The following STXBP5 variants were observed in gnomAD, a reference collection of about 807,000 sequenced individuals.
STXBP5 encodes the protein syntaxin binding protein 5, also known as syntaxin-binding protein 5.
A neutral mutation model predicts 152.4 loss-of-function variants in STXBP5; 50 were observed. That is an observed-to-expected ratio of 0.33 (90% CI 0.26 to 0.42). STXBP5 has a LOEUF of 0.42. Ranked by LOEUF, STXBP5 falls within the 10% of genes least tolerant of loss-of-function variation. The pLI is 1.00. For missense variants in STXBP5, 1,167 were observed against 1,388.6 expected, an observed-to-expected ratio of 0.84 and a Z score of 2.54; for synonymous variants, 492 against 494.7, an observed-to-expected ratio of 0.99 and a Z score of 0.07.
intron 26 of STXBP5, among the ~76,000 whole-genome samples, chr6:147,379,748 G>T (rs1242943037): frequency 1.3e-5 from 2 of 151,892 alleles, no homozygotes; most frequent in African/African-American, 4.8e-5. Flanking sequence ...AAATCCTAAG[G>T]AATCCACATA....
At chr6:147,339,559 T>C (rs1783997297) in intron 21 of STXBP5, among the ~76,000 whole-genome samples, 175 bp downstream of exon 21, 1 of 151,964 alleles carries the variant, frequency 6.6e-6, no homozygotes, top group South Asian at 2.1e-4. Flanking sequence ...TTATTAAAAA[T>C]CAGTTCAATT....
At chr6:147,369,163 AAC>A (rs1283041454) in intron 25 of STXBP5, among the ~76,000 whole-genome samples, 2 of 152,078 alleles carry the variant, frequency 1.3e-5, no homozygotes, top group Non-Finnish European at 2.9e-5. Flanking sequence ...TCCAGAAATA[AAC>A]ACATACATGG....
chr6:147,372,532 T>A (rs1184472083), intron 25 of STXBP5, among the ~76,000 whole-genome samples: 1 of 144,102 alleles, frequency 6.9e-6, no homozygotes, highest in Non-Finnish European at 1.5e-5. Flanking sequence ...CCTCCCGGGT[T>A]CAAGCTATTC....
chr6:147,378,888 C>T (rs992297691), intron 26 of STXBP5, among the ~76,000 whole-genome samples: 5 of 152,076 alleles, frequency 3.3e-5, no homozygotes, highest in Non-Finnish European at 5.9e-5. Flanking sequence ...AAATTTATTA[C>T]CTTACAATTC....
chr6:147,225,050 CCT>C (rs1264442415), intron 2 of STXBP5, among the ~76,000 whole-genome samples: 1 of 151,894 alleles, frequency 6.6e-6, no homozygotes, highest in Admixed American at 6.6e-5. Flanking sequence ...TTTAAATTAC[CCT>C]GTTTGCTGAA....
chr6:147,329,617 CTTTTTT>C (rs34913817), intron 18 of STXBP5, among the ~76,000 whole-genome samples: 3 of 71,708 alleles, frequency 4.2e-5, no homozygotes, highest in South Asian at 6.5e-4. Flanking sequence ...GTTCTTCAGG[CTTTTTT>C]TTTTTTTTTT....
intron 9 of STXBP5, among the ~76,000 whole-genome samples, chr6:147,297,364 A>G (rs1010606462): frequency 2.6e-5 from 4 of 152,210 alleles, no homozygotes; most frequent in African/African-American, 7.2e-5. Flanking sequence ...GCTATCCTTC[A>G]GAAATGAACG....
chr6:147,274,287 G>T (rs1477939767), intron 7 of STXBP5, among the ~76,000 whole-genome samples: 1 of 152,088 alleles, frequency 6.6e-6, no homozygotes, highest in Non-Finnish European at 1.5e-5. Flanking sequence ...TTTAGAGGCA[G>T]TCTTACTCTG....
intron 5 of STXBP5, among the ~76,000 whole-genome samples, chr6:147,261,520 T>C (rs933685768): frequency 6.6e-6 from 1 of 152,076 alleles, no homozygotes; most frequent in Non-Finnish European, 1.5e-5. Context: ...ATTTACCTCT[T>C]TTTGAGATAA....
chr6:147,259,781 CTTTTT>C (rs533852092), intron 4 of STXBP5, among the ~76,000 whole-genome samples: 4 of 146,484 alleles, frequency 2.7e-5, no homozygotes, highest in Middle Eastern at 3.6e-3. Context: ...CACAAGATAC[CTTTTT>C]TTTTTAACTA....
intron 2 of STXBP5, among the ~76,000 whole-genome samples, chr6:147,218,735 G>C (rs1318577536): frequency 1.3e-5 from 2 of 152,182 alleles, no homozygotes; most frequent in Admixed American, 1.3e-4. Context: ...ACATCCCAAA[G>C]TGCTGGGGTT....
chr6:147,256,689 T>C (rs376123779), intron 4 of STXBP5, among the ~76,000 whole-genome samples: 18 of 152,308 alleles, frequency 1.2e-4, no homozygotes, highest in African/African-American at 4.3e-4. Context: ...TAAATTAGGC[T>C]CAGGCCGTAA....
chr6:147,222,437 G>C (rs1582804412), intron 2 of STXBP5, among the ~76,000 whole-genome samples: 3 of 152,228 alleles, frequency 2.0e-5, no homozygotes, highest in South Asian at 4.1e-4. Flanking sequence ...TAGTGAGTCT[G>C]TGCTCTTGGA....
At chr6:147,236,930 C>A (rs928345117) in intron 3 of STXBP5, among the ~76,000 whole-genome samples, 1 of 152,000 alleles carries the variant, frequency 6.6e-6, no homozygotes, top group South Asian at 2.1e-4. Flanking sequence ...AGGTGCTTGC[C>A]ACCACACCGG....
chr6:147,366,082 T>C (rs1785275886), intron 25 of STXBP5, among the ~76,000 whole-genome samples: 2 of 152,164 alleles, frequency 1.3e-5, no homozygotes, highest in African/African-American at 4.8e-5. Context: ...AGGTACTAAG[T>C]TAAAGCCTGG....
At chr6:147,214,385 T>G (rs983968663) in intron 2 of STXBP5, among the ~76,000 whole-genome samples, 3 of 152,140 alleles carry the variant, frequency 2.0e-5, no homozygotes, top group Non-Finnish European at 2.9e-5. Context: ...TAACTTATCT[T>G]TTTTCTTTTG....
intron 10 of STXBP5, 88 bp downstream of exon 10, chr6:147,310,326 T>C: frequency 9.4e-7 from 1 of 1,059,054 alleles, no homozygotes; most frequent in Non-Finnish European, 1.2e-6. Context: ...ATAAAACTAC[T>C]CATCCTATTG....
chr6:147,375,498 A>G, intron 26 of STXBP5, among the ~76,000 whole-genome samples: 1 of 152,058 alleles, frequency 6.6e-6, no homozygotes, highest in Non-Finnish European at 1.5e-5. Flanking sequence ...AAAATGCAGC[A>G]CAAAGAAACA....
At chr6:147,320,577 G>GTGTGTGTGTGTGTGTT (rs1782881417) in intron 16 of STXBP5, among the ~76,000 whole-genome samples, 2 of 131,074 alleles carry the variant, frequency 1.5e-5, no homozygotes, top group African/African-American at 6.6e-5. Flanking sequence ...GTGTGTGTGT[G>GTGTGTGTGTGTGTGTT]TGTGTGTGTG....
Sources: gnomAD v4.1 joint callset for allele counts (sites outside exome capture counted in the v4.1 genomes callset) on GRCh38, gnomAD v4.1.1 for gene constraint, MANE v1.5 for transcripts, NCBI Gene and HGNC (gene_info 2026-07-23, HGNC 2026-07-21) for gene names.